Variants in ZNF326 observed in about 807,000 individuals in gnomAD.
ZNF326 encodes DBIRD complex subunit ZNF326.
ZNF326 carries 30 observed loss-of-function variants against 63.1 expected under a neutral mutation model. The observed-to-expected ratio is 0.48, with a 90% CI of 0.36 to 0.64. ZNF326 has a LOEUF of 0.64. Among genes scored for constraint, ZNF326 ranks in the 30% least tolerant of loss-of-function variants. The pLI is 0.00. For synonymous variants in ZNF326, 194 were observed against 228.2 expected (o/e 0.85, Z 1.35); for missense variants, 609 against 720.3 (o/e 0.85, Z 1.77).
In ZNF326 at chr1:90,027,506, GGAA is replaced by G. The variant is rs767098758; in HGVS notation, c.1559_1561del (p.Glu520del). The G allele has an allele frequency of 9.7e-5, 157 of 1,612,630 alleles. No homozygotes were observed. The Admixed American group carries it at 2.3e-3, about 23-fold the overall frequency. On this transcript the variant is annotated inframe_deletion, in exon 12 of 12. Coordinates refer to ENST00000340281, the MANE Select transcript of ZNF326 (RefSeq NM_182976.4). ...AGGAAGTGGGGGAAGTAGAGGAAGT[GGAA>G]GAAGTAGAGGAAGTGAGAGAAGGAG... is the stretch of plus-strand genomic sequence containing the variant.
chr1:90,007,230 C>A lies in ZNF326; in HGVS notation c.210-115C>A. The stretch of plus-strand genomic sequence containing the variant: ...TGAACAAAAGTAGAACTGTGCAAAC[C>A]AGTATGGTATAAATGAATTTTAGTT... On this transcript the variant is annotated intron_variant, in intron 4 of 11. Transcript: ENST00000340281. The surrounding 1 kb of genome is among the most constrained non-coding windows in gnomAD (Gnocchi z 4.9). The A allele has an allele frequency of 9.2e-7, 1 of 1,089,330 alleles. No homozygotes were observed. Among genetic ancestry groups the A allele is most frequent in the Non-Finnish European group, 1.3e-6 (1 of 766,992 alleles). 67.5% of individuals were successfully genotyped at this position (1,089,330 alleles called of 1,614,324 possible). A position where few individuals can be genotyped will look rare whatever the true frequency, so the allele number is the denominator to read the frequency against.
chr1:90,022,971 TG>T (rs748237846), intron 11 of ZNF326, among the ~76,000 whole-genome samples: 5 of 152,172 alleles, frequency 3.3e-5, no homozygotes, highest in Non-Finnish European at 7.3e-5. Flanking sequence ...TCATGGAATT[TG>T]GCGGGCGGGA....
chr1:90,010,874 A>G (rs1649202789), intron 6 of ZNF326, among the ~76,000 whole-genome samples: 1 of 152,124 alleles, frequency 6.6e-6, no homozygotes, highest in Non-Finnish European at 1.5e-5. Context: ...ATCAGGCCTT[A>G]TTGTTTAATA....
At chr1:90,014,615 A>G (rs1006370624) in intron 7 of ZNF326, among the ~76,000 whole-genome samples, 12 of 152,190 alleles carry the variant, frequency 7.9e-5, no homozygotes, top group Admixed American at 4.6e-4. Context: ...AAAAATGTCT[A>G]AATTTTTCTT....
Position 90,010,109 on chromosome 1 carries a change from A to G in ZNF326, c.637A>G (p.Ile213Val). Residue 213 changes from isoleucine (I) to valine (V), a missense_variant, in exon 6 of 12, where the codon ATT becomes GTT. This residue lies in a region of ZNF326 where 399 missense variants were observed against 444.3 expected (regional missense o/e 0.90). Transcript: ENST00000340281. ...ACAGCATATGGGTGATTTTGGAAGC[A>G]TTCATAGACCCGGAATTGTTGTTGA... is the stretch of plus-strand genomic sequence containing the variant. ...GRGHMGDFGSIHRPGIVVDYQ... is the reference protein window; with the variant it reads ...GRGHMGDFGSVHRPGIVVDYQ... 3.1e-6 allele frequency: 5 copies of G among 1,613,844 alleles called. No individual in the cohort carries two copies. Among genetic ancestry groups the G allele is most frequent in the Non-Finnish European group, 4.2e-6 (5 of 1,179,798 alleles).
At chr1:90,025,215 A>G (rs896912752) in intron 11 of ZNF326, among the ~76,000 whole-genome samples, 2 of 152,176 alleles carry the variant, frequency 1.3e-5, no homozygotes, top group East Asian at 1.9e-4. Context: ...CCGTGAGGCT[A>G]AGATAAACAA....
Position 90,020,824 on chromosome 1 carries a change from G to C in ZNF326, c.1207G>C (p.Glu403Gln). The C allele has an allele frequency of 6.2e-7, 1 of 1,612,770 alleles. No homozygotes were observed. The highest frequency in any genetic ancestry group is 2.2e-5 in the East Asian group (1 of 44,786). ...VTVDDHMMKV[E>Q]TVHCSACSVY... ...TGTAGATGATCACATGATGAAGGTA[G>C]AGACAGTTCATTGCAGCGCTTGCAG... is the stretch of plus-strand genomic sequence containing the variant. The change falls in exon 10 of 12, where the codon GAG (glutamate) becomes CAG (glutamine). Residue 403 changes from glutamate to glutamine, a missense_variant. Around this residue, in one of 3 missense-constraint regions of ZNF326, gnomAD observed 399 missense variants for 444.3 expected, o/e 0.90. Coordinates refer to ENST00000340281, the MANE Select transcript of ZNF326 (RefSeq NM_182976.4).
chr1:90,013,056 C>A, intron 6 of ZNF326, 70 bp from the exon 7 acceptor site: 1 of 1,342,536 alleles, frequency 7.4e-7, no homozygotes, highest in Non-Finnish European at 1.0e-6. Context: ...ATGTACTTTA[C>A]GAACTGATGA....
At chr1:90,015,063 A>G (rs958199925) in intron 7 of ZNF326, among the ~76,000 whole-genome samples, 2 of 152,212 alleles carry the variant, frequency 1.3e-5, no homozygotes, top group African/African-American at 4.8e-5. Flanking sequence ...ATCTGATGAT[A>G]TAACCAAAAG....
chr1:90,012,271 A>T (rs1422096889), intron 6 of ZNF326, among the ~76,000 whole-genome samples: 1 of 152,256 alleles, frequency 6.6e-6, no homozygotes, highest in Non-Finnish European at 1.5e-5. Context: ...TTATTAAACC[A>T]TAAAAAAGGA....
chr1:90,011,103 TAAAG>T (rs1276438299), intron 6 of ZNF326, among the ~76,000 whole-genome samples: 3 of 152,206 alleles, frequency 2.0e-5, no homozygotes, highest in African/African-American at 7.2e-5. Context: ...AAAAGTTTGA[TAAAG>T]AAACTGATTT....
intron 8 of ZNF326, 126 bp from the exon 9 acceptor site, chr1:90,018,559 C>A (rs531002226): frequency 1.9e-5 from 9 of 480,114 alleles, no homozygotes; most frequent in Non-Finnish European, 3.0e-5. Context: ...ATTATAAACT[C>A]CTTGAGAAAA....
At chr1:89,997,123 T>C (rs969522309) in intron 1 of ZNF326, among the ~76,000 whole-genome samples, 1 of 152,240 alleles carries the variant, frequency 6.6e-6, no homozygotes, top group Admixed American at 6.5e-5. Flanking sequence ...ATTTGGAAGA[T>C]GGAGTTTGAC....
intron 8 of ZNF326, among the ~76,000 whole-genome samples, chr1:90,018,065 G>A (rs1157894867): frequency 5.3e-5 from 8 of 152,140 alleles, no homozygotes; most frequent in African/African-American, 1.9e-4. Flanking sequence ...AGGCTGAAGC[G>A]GGTGGATCAC....
In ZNF326 at chr1:90,022,324, G is replaced by A. The variant is rs146247512; in HGVS notation, c.1380G>A (p.Ala460=). The A allele has an allele frequency of 1.2e-3, 1,998 of 1,612,624 alleles. 22 individuals are homozygous for A. Among genetic ancestry groups the A allele is most frequent in the Non-Finnish European group, 3.1e-4 (368 of 1,179,260 alleles). ...TTTTAAATAATCCAATAGTGAAGGCGCGATATGAACGTTTTGTTAAGGTAA... is the reference window on the plus strand; with the variant it reads ...TTTTAAATAATCCAATAGTGAAGGCACGATATGAACGTTTTGTTAAGGTAA... The part of the protein sequence containing the change: ...TSILNNPIVK[A]RYERFVKGEN... The change falls in exon 11 of 12, where the codon GCG becomes GCA. Residue 460 remains alanine (A), a synonymous_variant. Coordinates refer to ENST00000340281, the MANE Select transcript of ZNF326 (RefSeq NM_182976.4).
Position 90,004,996 on chromosome 1 carries a change from C to T in ZNF326, c.62-7C>T. On this transcript the variant is annotated splice_region_variant and splice_polypyrimidine_tract_variant and intron_variant, in intron 2 of 11. Coordinates refer to ENST00000340281, the MANE Select transcript of ZNF326 (RefSeq NM_182976.4). ...TTACTGACAATTTCTTATTGACTCTCTTTTAGGAATGGATCGTGATTATGG... is the reference window on the plus strand; with the variant it reads ...TTACTGACAATTTCTTATTGACTCTTTTTTAGGAATGGATCGTGATTATGG... 1 of 1,613,456 alleles carries T rather than the reference C, an allele frequency of 6.2e-7. No individual in the cohort carries two copies. The highest frequency in any genetic ancestry group is 1.7e-4 in the Middle Eastern group (1 of 5,994).
intron 10 of ZNF326, 24 bp from the exon 11 acceptor site, chr1:90,022,226 C>T (rs765051291): frequency 1.3e-6 from 2 of 1,525,448 alleles, no homozygotes; most frequent in Non-Finnish European, 1.8e-6. Context: ...TTCAAGAACC[C>T]TCAGTGTGTT....
intron 7 of ZNF326, among the ~76,000 whole-genome samples, chr1:90,016,390 G>A (rs1343087704): frequency 6.6e-6 from 1 of 151,976 alleles, no homozygotes. Context: ...GTGACTGCTG[G>A]CATAATTCAA....
At chr1:90,019,514 G>A (rs1037887868) in intron 9 of ZNF326, among the ~76,000 whole-genome samples, 1 of 151,936 alleles carries the variant, frequency 6.6e-6, no homozygotes, top group African/African-American at 2.4e-5. Context: ...TTGTTTCTGT[G>A]GCACTTCACT....
Sources: allele counts gnomAD v4.1 joint callset (sites outside exome capture counted in the v4.1 genomes callset), GRCh38; gene constraint gnomAD v4.1.1; regional missense constraint gnomAD v4.1.1; non-coding constraint Gnocchi (gnomAD v3.1); transcripts MANE v1.5; gene names NCBI Gene and HGNC (gene_info 2026-07-23, HGNC 2026-07-21).